Variants in CAB39L observed in about 807,000 individuals in gnomAD.
CAB39L encodes calcium binding protein 39 like.
Under a neutral mutation model 39.1 loss-of-function variants are expected in CAB39L, and 23 were observed. The observed-to-expected ratio is 0.59, with a 90% CI of 0.42 to 0.83. CAB39L has a LOEUF of 0.83. Ranked by LOEUF, CAB39L falls within the 40% of genes least tolerant of loss-of-function variation. The pLI is 0.00. For synonymous variants in CAB39L, 126 were observed against 137.2 expected (o/e 0.92, Z 0.57); for missense variants, 366 against 391.9 (o/e 0.93, Z 0.56).
chr13:49,350,616 C>T, intron 7 of CAB39L, 128 bp downstream of exon 7: 1 of 601,652 alleles, frequency 1.7e-6, no homozygotes, highest in South Asian at 2.7e-5. Context: ...CTCTTATGAT[C>T]CACATCATAC....
intron 3 of CAB39L, among the ~76,000 whole-genome samples, chr13:49,429,456 T>TTA (rs1957287558): frequency 6.6e-6 from 1 of 152,200 alleles, no homozygotes; most frequent in East Asian, 1.9e-4. Context: ...ATCACTGACA[T>TTA]TAGGTTATTT....
At chr13:49,357,533 T>A (rs1200881876) in intron 6 of CAB39L, among the ~76,000 whole-genome samples, 1 of 152,234 alleles carries the variant, frequency 6.6e-6, no homozygotes, top group African/African-American at 2.4e-5. Context: ...CACTAATGAT[T>A]TCGTTTGGAG....
chr13:49,394,160 T>C (rs1293176064), intron 3 of CAB39L, among the ~76,000 whole-genome samples: 1 of 151,970 alleles, frequency 6.6e-6, no homozygotes, highest in Non-Finnish European at 1.5e-5. Context: ...TTCTGTGATA[T>C]GAATCTGAAA....
Position 49,339,704 on chromosome 13 carries a change from AT to A in CAB39L, c.662del (p.Asn221IlefsTer9). Reference sequence around the variant, plus strand: ...TTAAAGACTGTCTCTTAGTAACATAATTCTCAGACTGAAGCAATTTCTCATA... The same window carrying A: ...TTAAAGACTGTCTCTTAGTAACATAATCTCAGACTGAAGCAATTTCTCATA... ...EDYEKLLQSENYVTKRQSLKL... is the reference protein window; with the variant it reads ...EDYEKLLQSEXYVTKRQSLKL... On this transcript the variant is annotated frameshift_variant, in exon 9 of 11. Coordinates refer to ENST00000409308, the MANE Select transcript of CAB39L (RefSeq NM_001079670.3). LOFTEE classifies it high-confidence loss of function. 3 of 1,580,626 alleles carry A rather than the reference AT, an allele frequency of 1.9e-6. No individual in the cohort carries two copies. Among genetic ancestry groups the A allele is most frequent in the Non-Finnish European group, 2.6e-6 (3 of 1,165,438 alleles).
At chr13:49,422,330 T>C (rs1957183164) in intron 3 of CAB39L, among the ~76,000 whole-genome samples, 1 of 152,218 alleles carries the variant, frequency 6.6e-6, no homozygotes, top group Non-Finnish European at 1.5e-5. Flanking sequence ...CCCAGCACTT[T>C]GGGAGGCCCA....
chr13:49,325,908 G>A (rs767959838), intron 10 of CAB39L, among the ~76,000 whole-genome samples: 2 of 152,154 alleles, frequency 1.3e-5, no homozygotes, highest in Non-Finnish European at 2.9e-5. Flanking sequence ...AAGACCACAC[G>A]GAAACTATTC....
At chr13:49,414,319 T>C (rs765417667) in intron 3 of CAB39L, 6 of 152,208 alleles carry the variant, frequency 3.9e-5, no homozygotes, top group Non-Finnish European at 5.9e-5. Context: ...GAATCTTGTA[T>C]ACTGCTGAGT....
chr13:49,427,867 G>T (rs529554865), intron 3 of CAB39L, among the ~76,000 whole-genome samples: 105 of 152,302 alleles, frequency 6.9e-4, no homozygotes, highest in African/African-American at 2.4e-3. Context: ...CTGGTTCACA[G>T]ATGGCCATCT....
intron 5 of CAB39L, among the ~76,000 whole-genome samples, chr13:49,376,003 C>T (rs1956051107): frequency 6.6e-6 from 1 of 152,184 alleles, no homozygotes; most frequent in Non-Finnish European, 1.5e-5. Context: ...TCCTCCTCCT[C>T]TGCTTCGGCT....
chr13:49,388,336 CATG>C (rs1265124130), intron 3 of CAB39L, among the ~76,000 whole-genome samples: 2 of 152,148 alleles, frequency 1.3e-5, no homozygotes, highest in African/African-American at 4.8e-5. Flanking sequence ...AGTTGAGATT[CATG>C]ATAAGACCCA....
intron 7 of CAB39L, among the ~76,000 whole-genome samples, chr13:49,344,667 G>A (rs1184154260): frequency 3.3e-5 from 5 of 151,894 alleles, no homozygotes; most frequent in East Asian, 1.9e-4. Flanking sequence ...GACTACAGGC[G>A]CCCGCCACCA....
At chr13:49,439,424 T>A (rs1225748750) in intron 1 of CAB39L, among the ~76,000 whole-genome samples, 1 of 152,206 alleles carries the variant, frequency 6.6e-6, no homozygotes, top group African/African-American at 2.4e-5. Flanking sequence ...ACTCAACAGT[T>A]AGTTTTTCAA....
At chr13:49,338,912 T>C (rs1382354898) in intron 9 of CAB39L, among the ~76,000 whole-genome samples, 1 of 152,092 alleles carries the variant, frequency 6.6e-6, no homozygotes, top group African/African-American at 2.4e-5. Flanking sequence ...GACCTGGTGA[T>C]GAAATATAGC....
At chr13:49,366,074 T>C (rs932648283) in intron 5 of CAB39L, among the ~76,000 whole-genome samples, 1 of 152,210 alleles carries the variant, frequency 6.6e-6, no homozygotes, top group Non-Finnish European at 1.5e-5. Flanking sequence ...CATCAGATGT[T>C]CTCAGTTATT....
chr13:49,441,032 G>C (rs1171452208), intron 1 of CAB39L, among the ~76,000 whole-genome samples: 1 of 151,572 alleles, frequency 6.6e-6, no homozygotes, highest in Non-Finnish European at 1.5e-5. Flanking sequence ...TCTCATGTCT[G>C]AGCTCTTATT....
At chr13:49,370,343 T>A (rs1228569505) in intron 5 of CAB39L, among the ~76,000 whole-genome samples, 1 of 152,216 alleles carries the variant, frequency 6.6e-6, no homozygotes, top group African/African-American at 2.4e-5. Flanking sequence ...ACTGCCCCAA[T>A]ATCTTTGTCA....
intron 10 of CAB39L, among the ~76,000 whole-genome samples, chr13:49,330,286 A>G (rs534093247): frequency 2.6e-4 from 40 of 152,310 alleles, no homozygotes; most frequent in African/African-American, 9.6e-4. Context: ...ACTTTTGGCT[A>G]ATAAAGTAAC....
intron 3 of CAB39L, among the ~76,000 whole-genome samples, chr13:49,409,356 A>G (rs1419926735): frequency 6.6e-6 from 1 of 152,198 alleles, no homozygotes; most frequent in African/African-American, 2.4e-5. Context: ...ATGAGGTAAT[A>G]GAGAAATGAA....
intron 10 of CAB39L, among the ~76,000 whole-genome samples, chr13:49,315,533 T>A (rs1045056423): frequency 1.1e-4 from 17 of 151,956 alleles, no homozygotes; most frequent in African/African-American, 3.6e-4. Context: ...TCAAAACTCA[T>A]AAGATGCACC....
Sources: gnomAD v4.1 joint callset for allele counts (sites outside exome capture counted in the v4.1 genomes callset) on GRCh38, gnomAD v4.1.1 for gene constraint, MANE v1.5 for transcripts, NCBI Gene and HGNC (gene_info 2026-07-23, HGNC 2026-07-21) for gene names.